The following DOCK8 variants were observed in gnomAD, a reference collection of about 807,000 sequenced individuals.
The protein encoded by DOCK8 is dedicator of cytokinesis protein 8.
In DOCK8, 141 loss-of-function variants were observed where a neutral mutation model predicts 245.6. The observed-to-expected ratio is 0.57, with a 90% CI of 0.50 to 0.66. The LOEUF (loss-of-function observed/expected upper bound fraction) is 0.66. Among genes scored for constraint, DOCK8 ranks in the 30% least tolerant of loss-of-function variants. The pLI, the probability that DOCK8 is intolerant of heterozygous loss-of-function variation, is 0.00. For synonymous variants in DOCK8, 1,168 were observed against 970.2 expected, an observed-to-expected ratio of 1.20 and a Z score of -3.79; for missense variants, 2,965 against 2,603.4, an observed-to-expected ratio of 1.14 and a Z score of -3.02.
At chr9:322,421 AC>A (rs1290813031) in intron 7 of DOCK8, among the ~76,000 whole-genome samples, 5 of 149,684 alleles carry the variant, frequency 3.3e-5, no homozygotes, top group Admixed American at 2.0e-4. Flanking sequence ...CCGAACACTC[AC>A]GGAAAAAGCC....
chr9:379,859 G>T lies in DOCK8; in HGVS notation c.2529G>T (p.Gly843=). ...AGGACCTGAGCAAGGACCAGCATGG[G>T]AGGAACTGCCTGCTGGCTTCCTACG... ...NSKDLSKDQH[G]RNCLLASYVH... is the part of the protein sequence containing the mutation. Residue 843 remains glycine, a synonymous_variant, in exon 21 of 48, where the codon GGG becomes GGT. Transcript: ENST00000432829. 2 of 1,614,238 alleles carry T rather than the reference G, an allele frequency of 1.2e-6. No individual in the cohort carries two copies. Among genetic ancestry groups the T allele is most frequent in the Non-Finnish European group, 1.7e-6 (2 of 1,180,038 alleles).
intron 2 of DOCK8, chr9:272,936 G>T (rs1458608514): frequency 3.2e-6 from 2 of 624,166 alleles, no homozygotes; most frequent in Admixed American, 6.3e-5. Context: ...ACTCTTGCTG[G>T]TTCTGCTGCT....
chr9:410,789 A>G (rs981545455), intron 28 of DOCK8, among the ~76,000 whole-genome samples: 3 of 152,230 alleles, frequency 2.0e-5, no homozygotes, highest in African/African-American at 7.2e-5. Context: ...AAAGCTTGTT[A>G]TTTGAAAAGA....
At chr9:225,366 G>C (rs2046968922) in intron 1 of DOCK8, among the ~76,000 whole-genome samples, 1 of 152,186 alleles carries the variant, frequency 6.6e-6, no homozygotes, top group Non-Finnish European at 1.5e-5. Flanking sequence ...AACAAACCTG[G>C]TGGGAAGAAT....
At chr9:388,584 T>A (rs2054054396) in intron 23 of DOCK8, among the ~76,000 whole-genome samples, 1 of 142,308 alleles carries the variant, frequency 7.0e-6, no homozygotes, top group African/African-American at 2.9e-5. Flanking sequence ...AGAGTCTCAC[T>A]TACTCTGTCA....
rs1278693909 is a variant in DOCK8 at position 240,966 on chromosome 9, C to G, written c.53+25937C>G. Among the ~76,000 whole-genome samples, 5 of 152,040 alleles carry G rather than the reference C, an allele frequency of 3.3e-5. No homozygotes were observed. The South Asian group carries it at 8.3e-4, about 25-fold the overall frequency. ...AAATATTGTTTCTTTTTCCTCTTAT[C>G]TTTTAGAAAAGGGAAAATGATTATT... On this transcript the variant is annotated intron_variant, in intron 1 of 47. Coordinates refer to ENST00000432829, the MANE Select transcript of DOCK8 (RefSeq NM_203447.4).
intron 4 of DOCK8, 76 bp from the exon 5 acceptor site, chr9:304,505 A>G (rs2130591782): frequency 6.3e-7 from 1 of 1,587,204 alleles, no homozygotes. Flanking sequence ...TTAAGCCATT[A>G]CTTTTATTTT....
intron 1 of DOCK8, among the ~76,000 whole-genome samples, chr9:243,377 G>C (rs1199376924): frequency 6.6e-6 from 1 of 152,180 alleles, no homozygotes; most frequent in East Asian, 1.9e-4. Context: ...TTGTTTTCCT[G>C]ATCTGGGAAG....
At chr9:265,172 T>C (rs1160551421) in intron 1 of DOCK8, among the ~76,000 whole-genome samples, 1 of 152,160 alleles carries the variant, frequency 6.6e-6, no homozygotes, top group Non-Finnish European at 1.5e-5. Flanking sequence ...CCGCAGGTGA[T>C]CCACCCGCCT....
At chr9:409,925 T>A (rs1168650195) in intron 28 of DOCK8, among the ~76,000 whole-genome samples, 1 of 152,204 alleles carries the variant, frequency 6.6e-6, no homozygotes, top group African/African-American at 2.4e-5. Flanking sequence ...TGTGCCACAT[T>A]TTCTTAATCC....
chr9:228,966 T>G (rs548757038), intron 1 of DOCK8, among the ~76,000 whole-genome samples: 1 of 152,300 alleles, frequency 6.6e-6, no homozygotes, highest in South Asian at 2.1e-4. Flanking sequence ...TTCAGAAACC[T>G]AGCTGGTCTT....
chr9:276,471 A>G (rs1011410898), intron 2 of DOCK8, among the ~76,000 whole-genome samples: 2 of 152,224 alleles, frequency 1.3e-5, no homozygotes, highest in Non-Finnish European at 2.9e-5. Context: ...ATGTGTATAA[A>G]CATTTTCTAA....
In DOCK8 at chr9:336,569, G is replaced by A. The variant is rs2051321910; in HGVS notation, c.1286-13G>A. The A allele has an allele frequency of 6.2e-7, 1 of 1,614,146 alleles. No homozygotes were observed. The highest frequency in any genetic ancestry group is 2.2e-5 in the East Asian group (1 of 44,884). On this transcript the variant is annotated splice_polypyrimidine_tract_variant and intron_variant, in intron 11 of 47. Transcript: ENST00000432829. ...AAAGGCATACTTTGGAGTGACAATT[G>A]TTTTTCTTAAAGGGAGAAGCTCAGT...
Position 406,966 on chromosome 9 carries a change from A to G in DOCK8, c.3427A>G (p.Ile1143Val). The G allele has an allele frequency of 1.2e-6, 2 of 1,614,070 alleles. No homozygotes were observed. Among genetic ancestry groups the G allele is most frequent in the Non-Finnish European group, 1.7e-6 (2 of 1,180,012 alleles). Residue 1143 changes from isoleucine to valine, a missense_variant, in exon 28 of 48, where the codon ATC becomes GTC. Coordinates refer to ENST00000432829, the MANE Select transcript of DOCK8 (RefSeq NM_203447.4). Reference protein sequence around the residue: ...SSCSSFQDQKIASMFDLTSEY... With the variant: ...SSCSSFQDQKVASMFDLTSEY... The stretch of plus-strand genomic sequence containing the variant: ...CTGCTCCAGCTTCCAGGACCAGAAG[A>G]TCGCCAGCATGTTCGATCTGACTTC...
chr9:342,461 G>T (rs142551561), intron 14 of DOCK8, among the ~76,000 whole-genome samples: 403 of 34,162 alleles, frequency 0.012, 1 homozygote, highest in South Asian at 0.06. Context: ...TTTTTTTGGG[G>T]TTTTTTTCGT....
chr9:403,886 C>CTT (rs1363828971), intron 26 of DOCK8, among the ~76,000 whole-genome samples: 3 of 89,410 alleles, frequency 3.4e-5, no homozygotes, highest in Non-Finnish European at 1.9e-5. Flanking sequence ...CTCTCTCTCT[C>CTT]TCTCTCTATA....
At chr9:409,678 C>A (rs2055621727) in intron 28 of DOCK8, among the ~76,000 whole-genome samples, 1 of 151,958 alleles carries the variant, frequency 6.6e-6, no homozygotes, top group Non-Finnish European at 1.5e-5. Flanking sequence ...GTGTGCTGCA[C>A]CCATTAACTC....
In DOCK8 at chr9:376,829, C is replaced by T. The variant is rs1039760011; in HGVS notation, c.2206-148C>T. 21 of 733,036 alleles carry T rather than the reference C, an allele frequency of 2.9e-5. No homozygotes were observed. The Admixed American group carries it at 3.9e-4, about 14-fold the overall frequency. The allele number at this position is 733,036 out of a possible 1,614,324, so 45.4% of individuals were successfully genotyped here. On this transcript the variant is annotated intron_variant, in intron 19 of 47. Coordinates refer to ENST00000432829, the MANE Select transcript of DOCK8 (RefSeq NM_203447.4). ...CATTCTACAAAGAAGTTCATAGCCT[C>T]GGTCTGAAACATCATGTCTTAGACC... is the stretch of plus-strand genomic sequence containing the variant.
intron 7 of DOCK8, among the ~76,000 whole-genome samples, chr9:318,662 T>G (rs2050453960): frequency 6.6e-6 from 1 of 152,178 alleles, no homozygotes; most frequent in African/African-American, 2.4e-5. Flanking sequence ...CAGCTGAGTG[T>G]CAAGTAATGG....
Sources: allele counts gnomAD v4.1 joint callset (sites outside exome capture counted in the v4.1 genomes callset), GRCh38; gene constraint gnomAD v4.1.1; transcripts MANE v1.5; gene names NCBI Gene and HGNC (gene_info 2026-07-23, HGNC 2026-07-21).